The following VIT variants were observed in gnomAD, a reference collection of about 807,000 sequenced individuals.
VIT encodes vitrin.
Under a neutral mutation model 78.0 loss-of-function variants are expected in VIT, and 99 were observed. The ratio of observed to expected loss-of-function variants is 1.27; its 90% CI spans 1.08 to 1.50. The LOEUF (loss-of-function observed/expected upper bound fraction) is 1.50, where lower values mean the gene tolerates loss of function less well. VIT is among the 40% of genes most tolerant of loss of function. The pLI is 0.00. For missense variants in VIT, 1,126 were observed against 875.3 expected, an observed-to-expected ratio of 1.29 and a Z score of -3.61; for synonymous variants, 374 against 334.3, an observed-to-expected ratio of 1.12 and a Z score of -1.29.
At chr2:36,767,431 T>TC in intron 7 of VIT, 146 bp downstream of exon 7, 1 of 777,804 alleles carries the variant, frequency 1.3e-6, no homozygotes, top group Non-Finnish European at 1.8e-6. Context: ...TGTGTCCTCC[T>TC]CCTAGATTCA....
At chr2:36,712,445 G>A (rs4670164) in intron 1 of VIT, among the ~76,000 whole-genome samples, 82,586 of 152,012 alleles carry the variant, frequency 0.54, 22,460 homozygotes, top group Admixed American at 0.58. Context: ...TCTGCTCTCC[G>A]CCTTCCCTTT....
rs113861099 is a variant in VIT at position 36,757,712 on chromosome 2, A to T, written c.410-1257A>T. On this transcript the variant is annotated intron_variant, in intron 5 of 15. Transcript: ENST00000379242. ...TGGCATTTATAGGTAACACCAGAAG[A>T]AATTTTTGCATCTCTATGGAGATAC... Among the ~76,000 whole-genome samples, 461 of 152,352 alleles carry T rather than the reference A, an allele frequency of 3.0e-3. 5 individuals carry two copies. The highest frequency in any genetic ancestry group is 0.011 in the African/African-American group (452 of 41,574).
intron 12 of VIT, among the ~76,000 whole-genome samples, chr2:36,799,704 G>A (rs751994813): frequency 2.3e-5 from 3 of 130,010 alleles, no homozygotes; most frequent in Admixed American, 8.4e-5. Flanking sequence ...GCAACAGAAC[G>A]AAACCCTGTC....
intron 4 of VIT, among the ~76,000 whole-genome samples, chr2:36,752,614 C>T (rs1668531983): frequency 6.6e-6 from 1 of 152,190 alleles, no homozygotes; most frequent in Non-Finnish European, 1.5e-5. Context: ...GGCTCTGAGC[C>T]CCCATCTGCC....
At chr2:36,785,606 A>G (rs564794336) in intron 11 of VIT, among the ~76,000 whole-genome samples, 20 of 152,284 alleles carry the variant, frequency 1.3e-4, no homozygotes, top group Admixed American at 3.3e-4. Flanking sequence ...AGGACAAGGG[A>G]AGCCAGTTGA....
chr2:36,725,335 C>T (rs145715756), intron 2 of VIT, among the ~76,000 whole-genome samples: 336 of 152,234 alleles, frequency 2.2e-3, no homozygotes, highest in African/African-American at 8.0e-3. Context: ...TATTTCTAAC[C>T]GTTGTGGAGG....
At chr2:36,809,032 G>A (rs764099057) in intron 15 of VIT, 47 bp downstream of exon 15, 1 of 1,521,554 alleles carries the variant, frequency 6.6e-7, no homozygotes, top group Non-Finnish European at 8.8e-7. Flanking sequence ...TGCTTTCTGG[G>A]GCTTGGTGGG....
At chr2:36,794,731 A>G (rs1665747168) in intron 12 of VIT, among the ~76,000 whole-genome samples, 1 of 152,178 alleles carries the variant, frequency 6.6e-6, no homozygotes, top group Admixed American at 6.5e-5. Context: ...AATTTTAGCA[A>G]TCAGAAAGGG....
At chr2:36,767,418 A>T (rs868081492) in intron 7 of VIT, 133 bp downstream of exon 7, 3 of 867,652 alleles carry the variant, frequency 3.5e-6, no homozygotes, top group Middle Eastern at 7.5e-4. Flanking sequence ...GGGGTATGTT[A>T]TTTGTGTCCT....
At chr2:36,808,301 G>C (rs1010960298) in intron 14 of VIT, among the ~76,000 whole-genome samples, 171 bp from the exon 15 acceptor site, 4 of 152,210 alleles carry the variant, frequency 2.6e-5, no homozygotes, top group African/African-American at 9.7e-5. Context: ...CGGGGGCTTC[G>C]CCTCAGTGAG....
chr2:36,799,310 A>G (rs1249457510), intron 12 of VIT, among the ~76,000 whole-genome samples: 1 of 152,016 alleles, frequency 6.6e-6, no homozygotes, highest in Non-Finnish European at 1.5e-5. Flanking sequence ...GTCCGCATGG[A>G]CTCACTAAGA....
Position 36,814,176 on chromosome 2 carries a change from C to A in VIT, c.1904-7C>A. On this transcript the variant is annotated splice_polypyrimidine_tract_variant and splice_region_variant and intron_variant, in intron 15 of 15. Transcript: ENST00000379242. Reference sequence around the variant, plus strand: ...GACATTTGTTCATCTAACCTTTGTCCCCACAGGAGTGATCACCTATGCGAT... The same window carrying A: ...GACATTTGTTCATCTAACCTTTGTCACCACAGGAGTGATCACCTATGCGAT... The A allele has an allele frequency of 6.2e-7, 1 of 1,610,784 alleles. No individual in the cohort carries two copies. The highest frequency in any genetic ancestry group is 8.5e-7 in the Non-Finnish European group (1 of 1,178,074).
At chr2:36,757,381 AC>A (rs200450654) in intron 5 of VIT, among the ~76,000 whole-genome samples, 54 of 152,012 alleles carry the variant, frequency 3.6e-4, no homozygotes, top group East Asian at 1.9e-3. Flanking sequence ...TCAGTGAGGG[AC>A]CCCCTAATAC....
intron 13 of VIT, among the ~76,000 whole-genome samples, chr2:36,803,351 G>A (rs1019116144): frequency 6.6e-6 from 1 of 152,234 alleles, no homozygotes; most frequent in Non-Finnish European, 1.5e-5. Context: ...CTGCAAGGGA[G>A]TCTGGAAAAT....
intron 6 of VIT, among the ~76,000 whole-genome samples, chr2:36,761,422 C>T (rs1464176726): frequency 6.6e-6 from 1 of 152,064 alleles, no homozygotes; most frequent in Non-Finnish European, 1.5e-5. Flanking sequence ...GTGGGAAGTT[C>T]AGTGGCATCT....
Position 36,808,585 on chromosome 2 carries a change from C to A in VIT, c.1503C>A (p.Cys501Ter), listed in dbSNP as rs1666912863. The change falls in exon 15 of 16, where the codon TGC becomes TGA. Residue 501 changes from cysteine to a stop codon, truncating the protein, a stop_gained. Transcript: ENST00000379242. LOFTEE classifies it high-confidence loss of function. ...TCTGCGACACTGACCGCCTGGCCTG[C>A]AGCAAGACCTGCTTGAACTCGGCTG... ...KRVCDTDRLA[C>*]SKTCLNSADI... The A allele has an allele frequency of 1.2e-6, 2 of 1,614,192 alleles. No individual in the cohort carries two copies. Among genetic ancestry groups the A allele is most frequent in the Non-Finnish European group, 1.7e-6 (2 of 1,180,046 alleles).
At chr2:36,712,759 C>T (rs369636395) in intron 1 of VIT, among the ~76,000 whole-genome samples, 2 of 152,192 alleles carry the variant, frequency 1.3e-5, no homozygotes, top group African/African-American at 4.8e-5. Flanking sequence ...TGCTTGAACC[C>T]GGGAGGTGGA....
chr2:36,736,937 C>T (rs929278717), intron 3 of VIT, among the ~76,000 whole-genome samples: 9 of 152,142 alleles, frequency 5.9e-5, no homozygotes, highest in Admixed American at 3.3e-4. Context: ...GTATTTACCA[C>T]GTATTACTCT....
In VIT at chr2:36,808,692, C is replaced by T; in HGVS notation, c.1610C>T (p.Thr537Ile). Residue 537 changes from threonine to isoleucine, a missense_variant, in exon 15 of 16, where the codon ACC becomes ATC. Coordinates refer to ENST00000379242, the MANE Select transcript of VIT (RefSeq NM_053276.4). Reference protein sequence around the residue: ...RTVLQFVTNLTKEFEISDTDT... With the variant: ...RTVLQFVTNLIKEFEISDTDT... ...GTCCTCCAGTTTGTGACCAACCTCA[C>T]CAAAGAGTTTGAGATTTCCGACACG... 1.2e-6 allele frequency: 2 copies of T among 1,614,240 alleles called. No individual in the cohort carries two copies. Among genetic ancestry groups the T allele is most frequent in the South Asian group, 1.1e-5 (1 of 91,088 alleles).
Sources: allele counts gnomAD v4.1 joint callset (sites outside exome capture counted in the v4.1 genomes callset), GRCh38; gene constraint gnomAD v4.1.1; transcripts MANE v1.5; gene names NCBI Gene and HGNC (gene_info 2026-07-23, HGNC 2026-07-21).